CDK19: variants seen among roughly 807,000 people sequenced by gnomAD.
CDK19 encodes cyclin-dependent kinase 19.
Under a neutral mutation model 68.3 loss-of-function variants are expected in CDK19, and 20 were observed. The observed-to-expected ratio is 0.29, with a 90% CI of 0.21 to 0.43. The LOEUF (loss-of-function observed/expected upper bound fraction) is 0.43. CDK19 is among the 20% of genes least tolerant of loss of function. The pLI is 1.00. For synonymous variants in CDK19, 221 were observed against 222.8 expected (o/e 0.99, Z 0.07); for missense variants, 339 against 623.5 (o/e 0.54, Z 4.86).
chr6:110,784,362 G>C (rs532115484), intron 1 of CDK19, among the ~76,000 whole-genome samples: 6 of 152,110 alleles, frequency 3.9e-5, no homozygotes, highest in African/African-American at 7.2e-5. Context: ...ATATGCAATG[G>C]TCACTAAGCA....
At chr6:110,646,081 A>C in intron 4 of CDK19, 2 of 859,144 alleles carry the variant, frequency 2.3e-6, no homozygotes, top group Non-Finnish European at 3.8e-6. Context: ...GACCTGCTGC[A>C]GTTTGTGGCT....
chr6:110,665,420 C>T (rs1383928981), intron 4 of CDK19, among the ~76,000 whole-genome samples: 1 of 152,090 alleles, frequency 6.6e-6, no homozygotes, highest in Non-Finnish European at 1.5e-5. Flanking sequence ...AGAGAGGACA[C>T]TAAAGCAGCA....
rs371030242 is a variant in CDK19 at position 110,792,659 on chromosome 6, G to A, written c.128+22350C>T. ...TGACCTCAGGTGATCCACCCGCCGC[G>A]ACAGGCGAGGGATGGACATTCATGG... On this transcript the variant is annotated intron_variant, in intron 1 of 12. Coordinates refer to ENST00000368911, the MANE Select transcript of CDK19 (RefSeq NM_015076.5). Among the ~76,000 whole-genome samples the A allele has an allele frequency of 1.2e-4, 19 of 152,320 alleles. No homozygotes were observed. The East Asian group carries it at 1.9e-3, about 15-fold the overall frequency.
At chr6:110,731,232 C>G (rs532527489) in intron 2 of CDK19, among the ~76,000 whole-genome samples, 66 of 152,256 alleles carry the variant, frequency 4.3e-4, no homozygotes, top group African/African-American at 1.5e-3. Flanking sequence ...TTAACAAGAT[C>G]CCCAGGTGAT....
chr6:110,788,122 GAGCCACC>G (rs1441932209), intron 1 of CDK19, among the ~76,000 whole-genome samples: 1 of 151,890 alleles, frequency 6.6e-6, no homozygotes, highest in African/African-American at 2.4e-5. Context: ...TTACAGGTGT[GAGCCACC>G]ACACCTGGCC....
intron 4 of CDK19, among the ~76,000 whole-genome samples, chr6:110,658,901 T>C (rs573354977): frequency 1.3e-5 from 2 of 152,238 alleles, no homozygotes; most frequent in Admixed American, 6.5e-5. Flanking sequence ...GAAAATGAGA[T>C]ATTCAGGAAC....
At chr6:110,780,217 CAA>C (rs779981592) in intron 1 of CDK19, among the ~76,000 whole-genome samples, 19 of 115,388 alleles carry the variant, frequency 1.6e-4, no homozygotes, top group Admixed American at 2.7e-4. Flanking sequence ...GACTCCATCT[CAA>C]AAAAAAAAAA....
intron 5 of CDK19, among the ~76,000 whole-genome samples, chr6:110,638,209 T>C (rs1405234988): frequency 6.6e-6 from 1 of 152,110 alleles, no homozygotes; most frequent in Non-Finnish European, 1.5e-5. Flanking sequence ...GTGCAAGACA[T>C]GCAGGCCAGG....
intron 2 of CDK19, among the ~76,000 whole-genome samples, chr6:110,695,235 A>T (rs1451728169): frequency 6.6e-6 from 1 of 152,234 alleles, no homozygotes; most frequent in Non-Finnish European, 1.5e-5. Flanking sequence ...TGGAAATTAA[A>T]TAATCTGCTC....
intron 2 of CDK19, among the ~76,000 whole-genome samples, chr6:110,718,034 G>A (rs750391418): frequency 2.6e-5 from 4 of 152,188 alleles, no homozygotes; most frequent in South Asian, 2.1e-4. Flanking sequence ...CTTCTGCCAC[G>A]TGAGGCCACC....
chr6:110,632,980 G>A (rs551421537), intron 5 of CDK19, among the ~76,000 whole-genome samples: 1 of 152,226 alleles, frequency 6.6e-6, no homozygotes, highest in South Asian at 2.1e-4. Flanking sequence ...CAGCACTTTG[G>A]GAGGCCGAGG....
At chr6:110,619,146 T>C (rs1002801845) in intron 12 of CDK19, among the ~76,000 whole-genome samples, 6 of 152,198 alleles carry the variant, frequency 3.9e-5, no homozygotes, top group Non-Finnish European at 8.8e-5. Context: ...AATAGATATG[T>C]TGGAAGGTTT....
chr6:110,755,788 C>T (rs1778794833), intron 1 of CDK19, among the ~76,000 whole-genome samples: 1 of 152,108 alleles, frequency 6.6e-6, no homozygotes, highest in Non-Finnish European at 1.5e-5. Flanking sequence ...GCAAGAGAAA[C>T]ATGATCAAAC....
chr6:110,773,038 A>G (rs577777541), intron 1 of CDK19, among the ~76,000 whole-genome samples: 1 of 150,264 alleles, frequency 6.7e-6, no homozygotes, highest in African/African-American at 2.5e-5. Flanking sequence ...CAACATGGGG[A>G]AACCCCGTCT....
chr6:110,693,720 C>T (rs2071667778), intron 2 of CDK19, among the ~76,000 whole-genome samples: 1 of 152,084 alleles, frequency 6.6e-6, no homozygotes, highest in African/African-American at 2.4e-5. Flanking sequence ...AGAACCACCC[C>T]ATCCCCCATA....
At chr6:110,814,332 G>A (rs1783386774) in intron 1 of CDK19, among the ~76,000 whole-genome samples, 1 of 152,238 alleles carries the variant, frequency 6.6e-6, no homozygotes, top group Admixed American at 6.5e-5. Flanking sequence ...AACGCAGCTA[G>A]CCCATCAGGT....
intron 4 of CDK19, chr6:110,645,835 C>CGCGCT: frequency 1.6e-6 from 1 of 614,030 alleles, no homozygotes; most frequent in South Asian, 1.7e-5. Flanking sequence ...CACGACGCGC[C>CGCGCT]GCGCTTCCTC....
chr6:110,676,743 G>A (rs1384593887), intron 2 of CDK19, among the ~76,000 whole-genome samples: 1 of 152,026 alleles, frequency 6.6e-6, no homozygotes, highest in Admixed American at 6.6e-5. Flanking sequence ...AATGCTACTG[G>A]ACACTTATAG....
rs955514683 is a variant in CDK19, at chr6:110,815,209, G to A, written c.-73C>T. 13 of 1,415,366 alleles carry A rather than the reference G, an allele frequency of 9.2e-6. No homozygotes were observed. Among genetic ancestry groups the A allele is most frequent in the African/African-American group, 9.1e-5 (6 of 65,870 alleles). The allele number at this position is 1,415,366 out of a possible 1,614,324, so 87.7% of individuals were successfully genotyped here. A position where few individuals can be genotyped will look rare whatever the true frequency, so the allele number is the denominator to read the frequency against. On this transcript the variant is annotated 5_prime_UTR_variant, in exon 1 of 13. Coordinates refer to ENST00000368911, the MANE Select transcript of CDK19 (RefSeq NM_015076.5). ...CAGTCCCTCCTCCTCCTCCCCCCGC[G>A]ACCGCCGCTCCACTTCTCCAACAGC...
Sources: gnomAD v4.1 joint callset for allele counts (sites outside exome capture counted in the v4.1 genomes callset) on GRCh38, gnomAD v4.1.1 for gene constraint, MANE v1.5 for transcripts, NCBI Gene and HGNC (gene_info 2026-07-23, HGNC 2026-07-21) for gene names.